The following WNK1 variants were observed in gnomAD, a reference collection of about 807,000 sequenced individuals.
WNK1 encodes serine/threonine-protein kinase WNK1.
A neutral mutation model predicts 222.8 loss-of-function variants in WNK1; 38 were observed. The observed-to-expected ratio is 0.17, with a 90% confidence interval of 0.13 to 0.22. The LOEUF (loss-of-function observed/expected upper bound fraction) is 0.22. Among genes scored for constraint, WNK1 ranks in the 10% least tolerant of loss-of-function variants. WNK1 has a pLI of 1.00. For synonymous variants in WNK1, 1,090 were observed against 1,092.9 expected, an observed-to-expected ratio of 1.00 and a Z score of 0.05; for missense variants, 2,348 against 2,918.4, an observed-to-expected ratio of 0.80 and a Z score of 4.50.
At chr12:786,157 T>C (rs1944284927) in intron 1 of WNK1, among the ~76,000 whole-genome samples, 1 of 152,234 alleles carries the variant, frequency 6.6e-6, no homozygotes, top group African/African-American at 2.4e-5. Flanking sequence ...TTGTTAATTG[T>C]ATTGCTTAAA....
At chr12:891,265 A>G (rs1308857666) in intron 22 of WNK1, among the ~76,000 whole-genome samples, 1 of 152,176 alleles carries the variant, frequency 6.6e-6, no homozygotes, top group South Asian at 2.1e-4. Flanking sequence ...CAGCCTCCCA[A>G]GTATCTGGGA....
chr12:820,466 G>GTTTT (rs3072715), intron 2 of WNK1, among the ~76,000 whole-genome samples: 2 of 89,154 alleles, frequency 2.2e-5, no homozygotes, highest in African/African-American at 8.6e-5. Flanking sequence ...ATTCTTTGGG[G>GTTTT]TTTTTTTTTT....
At position 904,397 on chromosome 12, in the gene WNK1, A is replaced by G. The variant is rs564906346; in HGVS notation, c.6644-3450A>G. ...TGTGTGCTGTTTGGAGATTCTAAAT[A>G]TTTTACACTGATGTTTCTTTATCTT... On this transcript the variant is annotated intron_variant, in intron 26 of 27. Coordinates refer to ENST00000315939, the MANE Select transcript of WNK1 (RefSeq NM_018979.4). The G allele has an allele frequency of 3.9e-6, 5 of 1,268,154 alleles. No homozygotes were observed. In the African/African-American group the frequency reaches 7.6e-5, roughly 19 times the overall value. 78.6% of individuals were successfully genotyped at this position (1,268,154 alleles called of 1,614,324 possible). A position where few individuals can be genotyped will look rare whatever the true frequency, so the allele number is the denominator to read the frequency against.
At chr12:784,955 C>A (rs1305583294) in intron 1 of WNK1, among the ~76,000 whole-genome samples, 4 of 152,222 alleles carry the variant, frequency 2.6e-5, no homozygotes, top group African/African-American at 9.6e-5. Context: ...TGAGAACTTA[C>A]ATGTCTGAAA....
intron 2 of WNK1, among the ~76,000 whole-genome samples, chr12:814,928 C>T (rs1033053762): frequency 2.6e-5 from 4 of 152,132 alleles, no homozygotes; most frequent in African/African-American, 4.8e-5. Context: ...TGATGGGAGA[C>T]AGGGCAGATC....
At chr12:769,448 C>G (rs1000271084) in intron 1 of WNK1, among the ~76,000 whole-genome samples, 2 of 152,146 alleles carry the variant, frequency 1.3e-5, no homozygotes, top group Non-Finnish European at 2.9e-5. Flanking sequence ...GTGATCTTCC[C>G]GTCTCAGCCT....
chr12:851,604 T>C, intron 4 of WNK1: 2 of 1,228,478 alleles, frequency 1.6e-6, no homozygotes, highest in Non-Finnish European at 2.1e-6. Context: ...GACTTTGATG[T>C]CTGCCTTCCT....
intron 4 of WNK1, among the ~76,000 whole-genome samples, chr12:856,421 T>A (rs1245925238): frequency 6.7e-6 from 1 of 150,110 alleles, no homozygotes; most frequent in Admixed American, 6.6e-5. Context: ...ACCACTGCAC[T>A]CCATACTGGG....
At chr12:824,046 A>G (rs1157706921) in intron 2 of WNK1, among the ~76,000 whole-genome samples, 2 of 151,572 alleles carry the variant, frequency 1.3e-5, no homozygotes, top group Non-Finnish European at 2.9e-5. Context: ...AGCTGGGGCT[A>G]TAGGCACATG....
chr12:862,114 C>T lies in WNK1; in HGVS notation c.1983C>T (p.Ser661=), dbSNP rs766388537. The T allele has an allele frequency of 4.3e-6, 7 of 1,613,856 alleles. No individual in the cohort carries two copies. The highest frequency in any genetic ancestry group is 5.1e-6 in the Non-Finnish European group (6 of 1,179,956). Residue 661 remains serine, a synonymous_variant, in exon 8 of 28, where the codon TCC becomes TCT. Transcript: ENST00000315939. ...SDGTVDSGQG[S]SVFTESRVSS... Reference sequence around the variant, plus strand: ...GGACGGTTGACAGTGGTCAGGGATCCTCTGTCTTCACAGAATCTCGAGTGA... The same window carrying T: ...GGACGGTTGACAGTGGTCAGGGATCTTCTGTCTTCACAGAATCTCGAGTGA...
chr12:908,779 T>C lies in WNK1; in HGVS notation c.7136T>C (p.Leu2379Pro). Reference protein sequence around the residue: ...KSISNPPGSNLRTT With the variant: ...KSISNPPGSNPRTT The stretch of plus-strand genomic sequence containing the variant: ...ATCAGCAACCCCCCAGGCTCCAACC[T>C]GCGGACCACTTAGACCTAGAGACAT... The change falls in exon 28 of 28, where the codon CTG becomes CCG. Residue 2379 changes from leucine to proline, a missense_variant. By Grantham distance (98) the Leu-to-Pro change is moderately conservative. Around this residue, in one of 13 missense-constraint regions of WNK1, gnomAD observed 76 missense variants for 85.7 expected, o/e 0.89. Transcript: ENST00000315939. 7.2e-7 allele frequency: 1 copy of C among 1,384,724 alleles called. No individual in the cohort carries two copies. The highest frequency in any genetic ancestry group is 9.6e-7 in the Non-Finnish European group (1 of 1,040,652). 85.8% of individuals were successfully genotyped at this position (1,384,724 alleles called of 1,614,324 possible).
rs1279827816 is a variant in WNK1 at position 752,696 on chromosome 12, T to C, written c.-870T>C. ...CGCCTGGTGGGGGTGGCTGCTCTTT[T>C]CTCTCCCTGTTCCCCCTCACCCAGT... is the stretch of plus-strand genomic sequence containing the variant. On this transcript the variant is annotated 5_prime_UTR_variant, in exon 1 of 28. Transcript: ENST00000315939. 1 of 152,364 alleles carries C rather than the reference T, an allele frequency of 6.6e-6. No individual in the cohort carries two copies. Among genetic ancestry groups the C allele is most frequent in the African/African-American group, 2.4e-5 (1 of 41,430 alleles). The allele number at this position is 152,364 out of a possible 1,614,324, so 9.4% of individuals were successfully genotyped here.
At chr12:821,962 T>C (rs995284638) in intron 2 of WNK1, among the ~76,000 whole-genome samples, 1 of 152,044 alleles carries the variant, frequency 6.6e-6, no homozygotes, top group Admixed American at 6.6e-5. Context: ...TAGTTGGCTT[T>C]TTTTCTTTCT....
At chr12:798,774 G>T (rs1945586572) in intron 1 of WNK1, among the ~76,000 whole-genome samples, 1 of 151,858 alleles carries the variant, frequency 6.6e-6, no homozygotes, top group Non-Finnish European at 1.5e-5. Flanking sequence ...AAAAAAATCT[G>T]GTTTTGTTTA....
At position 753,569 on chromosome 12, in the gene WNK1, T is replaced by G; in HGVS notation, c.4T>G (p.Ser2Ala). Residue 2 changes from serine (S) to alanine (A), a missense_variant, in exon 1 of 28, where the codon TCT (serine) becomes GCT (alanine). By Grantham distance (99) the Ser-to-Ala change is moderately conservative. This residue lies in a region of WNK1 where 108 missense variants were observed against 109.7 expected (regional missense o/e 0.98). Coordinates refer to ENST00000315939, the MANE Select transcript of WNK1 (RefSeq NM_018979.4). This position sits in a 1 kb window ranked among gnomAD's most constrained non-coding sequence, Gnocchi z 5.2. Reference sequence around the variant, plus strand: ...GCCTCTCTCCAGCGAACCGACCATGTCTGGCGGCGCCGCAGAGAAGCAGAG... The same window carrying G: ...GCCTCTCTCCAGCGAACCGACCATGGCTGGCGGCGCCGCAGAGAAGCAGAG... The part of the protein sequence containing the change: M[S>A]GGAAEKQSST... 1 of 1,612,490 alleles carries G rather than the reference T, an allele frequency of 6.2e-7. No individual in the cohort carries two copies. The highest frequency in any genetic ancestry group is 8.5e-7 in the Non-Finnish European group (1 of 1,179,922).
chr12:899,861 A>C (rs1414900204), intron 25 of WNK1, among the ~76,000 whole-genome samples: 1 of 151,548 alleles, frequency 6.6e-6, no homozygotes, highest in Non-Finnish European at 1.5e-5. Flanking sequence ...AATAGGGTAA[A>C]AAAAAAAGCA....
At chr12:863,901 A>G (rs571182360) in intron 8 of WNK1, among the ~76,000 whole-genome samples, 2 of 152,264 alleles carry the variant, frequency 1.3e-5, no homozygotes, top group African/African-American at 4.8e-5. Flanking sequence ...AAACTAAACA[A>G]TCATATGATG....
chr12:861,332 T>C lies in WNK1; in HGVS notation c.1940T>C (p.Ile647Thr). Residue 647 changes from isoleucine (I) to threonine (T), a missense_variant, in exon 7 of 28, where the codon ATA becomes ACA. By Grantham distance (89) the Ile-to-Thr change is moderately conservative. This residue lies in a region of WNK1 where 6 missense variants were observed against 26.4 expected (regional missense o/e 0.23). Transcript: ENST00000315939. ...HQQLQYQQPS[I>T]SVLSDGTVDS... ...CAACTACAGTACCAGCAACCCAGTATATCTGTGTTATGTACGTATCTTGGG... is the reference window on the plus strand; with the variant it reads ...CAACTACAGTACCAGCAACCCAGTACATCTGTGTTATGTACGTATCTTGGG... 6.2e-7 allele frequency: 1 copy of C among 1,614,010 alleles called. No individual in the cohort carries two copies. Among genetic ancestry groups the C allele is most frequent in the Admixed American group, 1.7e-5 (1 of 60,022 alleles).
At chr12:790,681 T>A (rs570385335) in intron 1 of WNK1, among the ~76,000 whole-genome samples, 1 of 152,334 alleles carries the variant, frequency 6.6e-6, no homozygotes, top group East Asian at 1.9e-4. Context: ...CACAAGAAAC[T>A]GCTAATCACA....
Sources: allele counts gnomAD v4.1 joint callset (sites outside exome capture counted in the v4.1 genomes callset), GRCh38; gene constraint gnomAD v4.1.1; regional missense constraint gnomAD v4.1.1; non-coding constraint Gnocchi (gnomAD v3.1); transcripts MANE v1.5; gene names NCBI Gene and HGNC (gene_info 2026-07-23, HGNC 2026-07-21).